CSMD3: variants seen among roughly 807,000 people sequenced by gnomAD.
The protein encoded by CSMD3 is CUB and Sushi multiple domains 3.
A neutral mutation model predicts 435.2 loss-of-function variants in CSMD3; 177 were observed. The observed-to-expected ratio is 0.41, with a 90% CI of 0.36 to 0.46. The LOEUF is 0.46. Ranked by LOEUF, CSMD3 falls within the 20% of genes least tolerant of loss-of-function variation. CSMD3 has a pLI of 0.34. For synonymous variants in CSMD3, 1,656 were observed against 1,520.5 expected, an observed-to-expected ratio of 1.09 and a Z score of -2.07; for missense variants, 4,265 against 4,504.6, an observed-to-expected ratio of 0.95 and a Z score of 1.52.
At chr8:112,931,530 T>C (rs1277995406) in intron 9 of CSMD3, among the ~76,000 whole-genome samples, 5 of 148,310 alleles carry the variant, frequency 3.4e-5, no homozygotes, top group African/African-American at 1.2e-4. Context: ...TCTAGGGAAC[T>C]TGTCTAGGAA....
chr8:112,743,407 G>A (rs1054327125), intron 13 of CSMD3, among the ~76,000 whole-genome samples: 27 of 151,794 alleles, frequency 1.8e-4, no homozygotes, highest in African/African-American at 6.3e-4. Flanking sequence ...TTAATAGCAA[G>A]AGCATATCAG....
intron 4 of CSMD3, among the ~76,000 whole-genome samples, chr8:113,145,174 A>G (rs1329051882): frequency 2.0e-5 from 3 of 151,524 alleles, no homozygotes; most frequent in Non-Finnish European, 4.4e-5. Context: ...GTGGTAGGAA[A>G]TGGACCAGTG....
intron 11 of CSMD3, among the ~76,000 whole-genome samples, chr8:112,833,763 C>G (rs961201451): frequency 4.6e-5 from 7 of 151,362 alleles, no homozygotes; most frequent in African/African-American, 1.5e-4. Flanking sequence ...CTTTTGTTTT[C>G]TTGTGAACTA....
chr8:112,642,493 A>G (rs1391933102), intron 20 of CSMD3, among the ~76,000 whole-genome samples: 1 of 152,188 alleles, frequency 6.6e-6, no homozygotes, highest in African/African-American at 2.4e-5. Flanking sequence ...TACAGATGGT[A>G]CATATACATT....
chr8:112,799,236 T>A (rs1329798357), intron 13 of CSMD3, among the ~76,000 whole-genome samples: 1 of 119,920 alleles, frequency 8.3e-6, no homozygotes, highest in Admixed American at 9.9e-5. Flanking sequence ...AATGAATGTG[T>A]TCTGTCTCTC....
intron 18 of CSMD3, among the ~76,000 whole-genome samples, chr8:112,655,917 G>A (rs907117289): frequency 1.3e-5 from 2 of 151,844 alleles, no homozygotes; most frequent in Non-Finnish European, 2.9e-5. Context: ...ATAATGATTT[G>A]ATGCTTCTGA....
chr8:112,551,441 C>A (rs1827678159), intron 26 of CSMD3, among the ~76,000 whole-genome samples: 1 of 152,076 alleles, frequency 6.6e-6, no homozygotes, highest in Admixed American at 6.6e-5. Flanking sequence ...GAATCGGGTG[C>A]TTTTTGTGCT....
Position 112,306,146 on chromosome 8 carries a change from T to C in CSMD3, c.7932A>G (p.Leu2644=), listed in dbSNP as rs756108092. ...GCGTTCCTACCAAATAGTCTGTTGT[T>C]AGTATTCCTCCATTTGTTGGAGCTT... is the stretch of plus-strand genomic sequence containing the variant. ...IPKAPTNGGI[L]TTDYLVGTRV... Residue 2644 remains leucine (L), a synonymous_variant, in exon 51 of 71, where the codon CTA becomes CTG. Coordinates refer to ENST00000297405, the MANE Select transcript of CSMD3 (RefSeq NM_198123.2). 8 of 1,613,710 alleles carry C rather than the reference T, an allele frequency of 5.0e-6. No individual in the cohort carries two copies. The highest frequency in any genetic ancestry group is 5.9e-6 in the Non-Finnish European group (7 of 1,179,754).
At chr8:113,022,010 A>T (rs1469988350) in intron 5 of CSMD3, among the ~76,000 whole-genome samples, 4 of 152,176 alleles carry the variant, frequency 2.6e-5, no homozygotes, top group Non-Finnish European at 5.9e-5. Context: ...GGCGAGTCAC[A>T]TGGGCTTTGA....
intron 5 of CSMD3, among the ~76,000 whole-genome samples, chr8:113,031,225 C>A (rs2087094891): frequency 6.6e-6 from 1 of 151,422 alleles, no homozygotes; most frequent in Non-Finnish European, 1.5e-5. Context: ...CTTATAATAG[C>A]CCAAACTTTA....
intron 22 of CSMD3, among the ~76,000 whole-genome samples, 194 bp downstream of exon 22, chr8:112,636,623 A>G (rs1419593476): frequency 6.6e-6 from 1 of 151,966 alleles, no homozygotes; most frequent in Non-Finnish European, 1.5e-5. Flanking sequence ...CAAATTTATA[A>G]GCATGGTTTC....
rs929801878 is a variant in CSMD3 at position 112,806,823 on chromosome 8, A to G, written c.1860-6549T>C. 2.6e-5 allele frequency among the ~76,000 whole-genome samples: 4 copies of G among 152,200 alleles called. No individual in the cohort carries two copies. The South Asian group carries it at 6.2e-4, about 24-fold the overall frequency. ...TGATAACATACCTGTTAGTAGTCAT[A>G]CAAGGAAAAAAGCCATTCTATGTTC... On this transcript the variant is annotated intron_variant, in intron 12 of 70. Coordinates refer to ENST00000297405, the MANE Select transcript of CSMD3 (RefSeq NM_198123.2).
chr8:112,510,330 G>A (rs867013629), intron 28 of CSMD3, among the ~76,000 whole-genome samples: 1 of 152,192 alleles, frequency 6.6e-6, no homozygotes. Flanking sequence ...TTCATGATCT[G>A]ACCCATACAG....
At chr8:112,604,491 G>A (rs558511258) in intron 22 of CSMD3, among the ~76,000 whole-genome samples, 4 of 152,080 alleles carry the variant, frequency 2.6e-5, no homozygotes, top group Non-Finnish European at 4.4e-5. Flanking sequence ...CACCTACAAC[G>A]ATCTGATCTT....
intron 16 of CSMD3, among the ~76,000 whole-genome samples, chr8:112,670,094 G>C (rs1306695366): frequency 6.6e-6 from 1 of 152,086 alleles, no homozygotes; most frequent in Non-Finnish European, 1.5e-5. Flanking sequence ...AAAAGGAAAT[G>C]AATAAATGTT....
At chr8:113,044,414 A>G (rs1223465552) in intron 5 of CSMD3, among the ~76,000 whole-genome samples, 1 of 149,102 alleles carries the variant, frequency 6.7e-6, no homozygotes, top group Non-Finnish European at 1.5e-5. Flanking sequence ...ATGAATAGAT[A>G]AAGATTGTTA....
intron 16 of CSMD3, among the ~76,000 whole-genome samples, chr8:112,668,967 A>G (rs2075591962): frequency 6.6e-6 from 1 of 151,980 alleles, no homozygotes; most frequent in Non-Finnish European, 1.5e-5. Context: ...AAAACAGCTG[A>G]AGAAAAAAAA....
intron 20 of CSMD3, among the ~76,000 whole-genome samples, chr8:112,640,045 G>T (rs982026691): frequency 6.6e-6 from 1 of 152,086 alleles, no homozygotes; most frequent in Admixed American, 6.6e-5. Flanking sequence ...AGACAACATG[G>T]TTGCTCCGTA....
At chr8:113,141,755 A>G (rs1032666041) in intron 4 of CSMD3, among the ~76,000 whole-genome samples, 12 of 150,970 alleles carry the variant, frequency 7.9e-5, no homozygotes, top group African/African-American at 2.9e-4. Context: ...TTTCTATAAC[A>G]TCAGGAACAA....
Sources: gnomAD v4.1 joint callset for allele counts (sites outside exome capture counted in the v4.1 genomes callset) on GRCh38, gnomAD v4.1.1 for gene constraint, MANE v1.5 for transcripts, NCBI Gene and HGNC (gene_info 2026-07-23, HGNC 2026-07-21) for gene names.